Variants in BABAM2 observed in about 807,000 individuals in gnomAD.
BABAM2 encodes BRISC and BRCA1-A complex member 2.
Under a neutral mutation model 54.7 loss-of-function variants are expected in BABAM2, and 31 were observed. That is an observed-to-expected ratio of 0.57 (90% CI 0.43 to 0.77). The LOEUF (loss-of-function observed/expected upper bound fraction) is 0.77. BABAM2 is among the 30% of genes least tolerant of loss of function. BABAM2 has a pLI of 0.00. For missense variants in BABAM2, 364 were observed against 455.8 expected, an observed-to-expected ratio of 0.80 and a Z score of 1.83; for synonymous variants, 167 against 162.9, an observed-to-expected ratio of 1.03 and a Z score of -0.19.
intron 2 of BABAM2, among the ~76,000 whole-genome samples, chr2:27,917,014 C>CTTTTTT (rs753765833): frequency 4.4e-5 from 4 of 90,108 alleles, no homozygotes; most frequent in Non-Finnish European, 4.6e-5. Flanking sequence ...TCACTCCAAA[C>CTTTTTT]TTTTTTTTTT....
chr2:27,940,962 T>C (rs1668833557), intron 3 of BABAM2, among the ~76,000 whole-genome samples: 1 of 152,032 alleles, frequency 6.6e-6, no homozygotes, highest in Non-Finnish European at 1.5e-5. Flanking sequence ...TCTCCCCACA[T>C]TGGGTAGAAA....
chr2:28,052,530 T>C (rs55686000), intron 6 of BABAM2, among the ~76,000 whole-genome samples: 10,368 of 152,110 alleles, frequency 0.068, 535 homozygotes, highest in African/African-American at 0.14. Context: ...TCAAATGATC[T>C]GCCTGCCTGG....
chr2:27,892,844 A>G (rs1664975556), intron 1 of BABAM2, among the ~76,000 whole-genome samples: 1 of 152,218 alleles, frequency 6.6e-6, no homozygotes, highest in African/African-American at 2.4e-5. Flanking sequence ...GGTCAGAAGA[A>G]GAGCTTGTTT....
intron 6 of BABAM2, among the ~76,000 whole-genome samples, chr2:28,055,917 G>T (rs1678366909): frequency 6.6e-6 from 1 of 152,202 alleles, no homozygotes; most frequent in East Asian, 1.9e-4. Flanking sequence ...TCCTAAAAAA[G>T]AATGAGATCT....
In BABAM2 at chr2:28,209,033, A is replaced by G. The variant is rs535389348; in HGVS notation, c.681-28169A>G. ...TGTGGCTGGGCCTCAGTTGCCTGAAATGTACAGTGAGGCTAAATTAGGTCT... is the reference window on the plus strand; with the variant it reads ...TGTGGCTGGGCCTCAGTTGCCTGAAGTGTACAGTGAGGCTAAATTAGGTCT... On this transcript the variant is annotated intron_variant, in intron 7 of 11. Coordinates refer to ENST00000379624, the MANE Select transcript of BABAM2 (RefSeq NM_199191.3). Among the ~76,000 whole-genome samples the G allele has an allele frequency of 1.7e-3, 260 of 152,296 alleles. 8 individuals are homozygous for G. In the South Asian group the frequency reaches 0.039, roughly 23 times the overall value.
chr2:28,004,812 G>C (rs1673841730), intron 4 of BABAM2, among the ~76,000 whole-genome samples: 1 of 151,806 alleles, frequency 6.6e-6, no homozygotes, highest in Non-Finnish European at 1.5e-5. Context: ...TCAGCCTCCT[G>C]AGTAGCTGGG....
At chr2:27,976,071 A>G (rs2148461737) in intron 3 of BABAM2, among the ~76,000 whole-genome samples, 1 of 152,262 alleles carries the variant, frequency 6.6e-6, no homozygotes, top group South Asian at 2.1e-4. Flanking sequence ...AAATGTTGGC[A>G]CGAATGTGTA....
chr2:27,965,787 T>C (rs1212584839), intron 3 of BABAM2, among the ~76,000 whole-genome samples: 1 of 152,246 alleles, frequency 6.6e-6, no homozygotes, highest in Non-Finnish European at 1.5e-5. Flanking sequence ...AGCTCTCTTA[T>C]TTGCAGTTAT....
In BABAM2 at chr2:28,224,419, C is replaced by G. The variant is rs529973355; in HGVS notation, c.681-12783C>G. ...TTGTGATAACTGCAGACATGAGTGTCATAGAGCCAGACCCCTGACTTGCTG... is the reference window on the plus strand; with the variant it reads ...TTGTGATAACTGCAGACATGAGTGTGATAGAGCCAGACCCCTGACTTGCTG... On this transcript the variant is annotated intron_variant, in intron 7 of 11. Coordinates refer to ENST00000379624, the MANE Select transcript of BABAM2 (RefSeq NM_199191.3). Among the ~76,000 whole-genome samples the G allele has an allele frequency of 3.3e-5, 5 of 152,312 alleles. No individual in the cohort carries two copies. In the East Asian group the frequency reaches 9.6e-4, roughly 29 times the overall value.
intron 7 of BABAM2, among the ~76,000 whole-genome samples, chr2:28,186,241 T>TA (rs1244557123): frequency 1.3e-5 from 2 of 152,198 alleles, no homozygotes; most frequent in Non-Finnish European, 2.9e-5. Context: ...ATACCAAAAA[T>TA]ATGTAAAAAG....
chr2:28,158,108 G>A lies in BABAM2; in HGVS notation c.680+28728G>A, dbSNP rs150406027. 1.9e-4 allele frequency among the ~76,000 whole-genome samples: 29 copies of A among 152,246 alleles called. No individual in the cohort carries two copies. In the East Asian group the frequency reaches 4.8e-3, roughly 25 times the overall value. On this transcript the variant is annotated intron_variant, in intron 7 of 11. Transcript: ENST00000379624. Reference sequence around the variant, plus strand: ...TCACAAATATAATAAAAAGTTAACAGCATTTCTATTTAAATTGATCAGAAG... The same window carrying A: ...TCACAAATATAATAAAAAGTTAACAACATTTCTATTTAAATTGATCAGAAG...
chr2:28,070,720 G>A (rs1479980901), intron 6 of BABAM2, among the ~76,000 whole-genome samples: 3 of 152,008 alleles, frequency 2.0e-5, no homozygotes, highest in Non-Finnish European at 2.9e-5. Context: ...CAACAAGTTG[G>A]CTTTGCACTG....
At chr2:28,086,052 A>T (rs1342371922) in intron 6 of BABAM2, among the ~76,000 whole-genome samples, 2 of 152,206 alleles carry the variant, frequency 1.3e-5, no homozygotes, top group Admixed American at 6.5e-5. Context: ...AAAAAAGATA[A>T]CAGTACATAT....
chr2:27,895,753 G>T (rs1665247464), intron 2 of BABAM2, among the ~76,000 whole-genome samples: 1 of 152,084 alleles, frequency 6.6e-6, no homozygotes, highest in Non-Finnish European at 1.5e-5. Flanking sequence ...CTACTCTGGT[G>T]CTTGTCTAAG....
chr2:28,033,895 A>G (rs1676476198), intron 5 of BABAM2, among the ~76,000 whole-genome samples: 1 of 152,118 alleles, frequency 6.6e-6, no homozygotes, highest in Admixed American at 6.5e-5. Flanking sequence ...TGTGAGAGAA[A>G]ACAGTTTTTT....
At chr2:27,993,256 T>A (rs1672903227) in intron 4 of BABAM2, among the ~76,000 whole-genome samples, 1 of 152,170 alleles carries the variant, frequency 6.6e-6, no homozygotes, top group Non-Finnish European at 1.5e-5. Context: ...TGCTATATCC[T>A]GGTAATTTGA....
At chr2:27,892,557 G>T (rs997424135) in intron 1 of BABAM2, 8 of 152,102 alleles carry the variant, frequency 5.3e-5, no homozygotes, top group African/African-American at 1.9e-4. Flanking sequence ...GGAAATGTTG[G>T]CGAATAGAAA....
chr2:28,242,119 G>A (rs1230885783), intron 9 of BABAM2, among the ~76,000 whole-genome samples: 1 of 152,108 alleles, frequency 6.6e-6, no homozygotes, highest in Non-Finnish European at 1.5e-5. Flanking sequence ...GTAACCCAAT[G>A]GAAGTCGCGC....
intron 6 of BABAM2, among the ~76,000 whole-genome samples, chr2:28,112,210 CCTT>C (rs1668190664): frequency 8.7e-6 from 1 of 114,774 alleles, no homozygotes; most frequent in Non-Finnish European, 1.8e-5. Flanking sequence ...TTCCTTCCTT[CCTT>C]CCTTCCTTCC....
Sources: gnomAD v4.1 joint callset for allele counts (sites outside exome capture counted in the v4.1 genomes callset) on GRCh38, gnomAD v4.1.1 for gene constraint, MANE v1.5 for transcripts, NCBI Gene and HGNC (gene_info 2026-07-23, HGNC 2026-07-21) for gene names.